The following ZFYVE28 variants were observed in gnomAD, a reference collection of about 807,000 sequenced individuals.
ZFYVE28 encodes zinc finger FYVE-type containing 28, also known as lateral signaling target protein 2 homolog.
Under a neutral mutation model 82.1 loss-of-function variants are expected in ZFYVE28, and 40 were observed. The ratio of observed to expected loss-of-function variants is 0.49; its 90% CI spans 0.38 to 0.63. The LOEUF is 0.63. Among genes scored for constraint, ZFYVE28 ranks in the 30% least tolerant of loss-of-function variants. ZFYVE28 has a pLI of 0.00. For synonymous variants in ZFYVE28, 612 were observed against 546.1 expected, an observed-to-expected ratio of 1.12 and a Z score of -1.68; for missense variants, 1,321 against 1,242.1, an observed-to-expected ratio of 1.06 and a Z score of -0.96.
chr4:2,303,140 A>G (rs553176322), intron 8 of ZFYVE28, among the ~76,000 whole-genome samples: 12 of 152,164 alleles, frequency 7.9e-5, no homozygotes, highest in African/African-American at 2.9e-4. Context: ...CCCGCAGCAC[A>G]GGAAAGAGCT....
intron 6 of ZFYVE28, among the ~76,000 whole-genome samples, chr4:2,329,524 T>C (rs1040419949): frequency 6.6e-6 from 1 of 152,180 alleles, no homozygotes; most frequent in African/African-American, 2.4e-5. Flanking sequence ...CACAAAAGGG[T>C]AAATCCTATA....
In ZFYVE28 at chr4:2,341,491, C is replaced by A; in HGVS notation, c.305G>T (p.Trp102Leu). ...IRHDNLAGQL[W>L]FGAECLAAGS... is the part of the protein sequence containing the mutation. ...GCCACCCGCTACCTCGGCACCGAAC[C>A]ACAGCTGGCCGGCCAGGTTGTCGTG... Residue 102 changes from tryptophan (W) to leucine (L), a missense_variant, in exon 3 of 13, where the codon TGG becomes TTG. By Grantham distance (61) the Trp-to-Leu change is moderately conservative (BLOSUM62 -2). Coordinates refer to ENST00000290974, the MANE Select transcript of ZFYVE28 (RefSeq NM_020972.3). This position sits in a 1 kb window ranked among gnomAD's most constrained non-coding sequence, Gnocchi z 4.5. 6.2e-7 allele frequency: 1 copy of A among 1,613,598 alleles called. No homozygotes were observed. The highest frequency in any genetic ancestry group is 8.5e-7 in the Non-Finnish European group (1 of 1,180,010).
At chr4:2,342,266 G>T (rs1012056465) in intron 2 of ZFYVE28, among the ~76,000 whole-genome samples, 1 of 152,196 alleles carries the variant, frequency 6.6e-6, no homozygotes, top group East Asian at 1.9e-4. Context: ...GCACTGGAAG[G>T]GGGTGCTGCT....
rs529989591 is a variant in ZFYVE28, at chr4:2,376,305, G to C, written c.40-22232C>G. Among the ~76,000 whole-genome samples, 3 of 149,646 alleles carry C rather than the reference G, an allele frequency of 2.0e-5. No homozygotes were observed. The East Asian group carries it at 5.9e-4, about 29-fold the overall frequency. On this transcript the variant is annotated intron_variant, in intron 1 of 12. Transcript: ENST00000290974. The stretch of plus-strand genomic sequence containing the variant: ...TAATCCCAGCACTTTGGGTGGCTGA[G>C]GTGGGAGGATCATTTGAGCCCAGGA...
At chr4:2,275,827 T>C (rs780306113) in intron 8 of ZFYVE28, among the ~76,000 whole-genome samples, 10 of 152,254 alleles carry the variant, frequency 6.6e-5, no homozygotes, top group Non-Finnish European at 1.0e-4. Context: ...TGCGTCTGTC[T>C]GCAGAGATGC....
chr4:2,282,560 T>C (rs901203233), intron 8 of ZFYVE28, among the ~76,000 whole-genome samples: 1 of 152,234 alleles, frequency 6.6e-6, no homozygotes, highest in Non-Finnish European at 1.5e-5. Flanking sequence ...ACTGAACTTA[T>C]AATTTTAATT....
At chr4:2,360,122 C>T (rs73070630) in intron 1 of ZFYVE28, among the ~76,000 whole-genome samples, 11 of 152,012 alleles carry the variant, frequency 7.2e-5, no homozygotes, top group Non-Finnish European at 1.0e-4. Context: ...TAATTGCCTG[C>T]GCGTGGGAAA....
At chr4:2,359,832 C>G (rs1450645837) in intron 1 of ZFYVE28, among the ~76,000 whole-genome samples, 1 of 152,162 alleles carries the variant, frequency 6.6e-6, no homozygotes, top group African/African-American at 2.4e-5. Flanking sequence ...ACTTAGCAAA[C>G]CCTGCCAGGT....
intron 2 of ZFYVE28, among the ~76,000 whole-genome samples, chr4:2,349,623 G>A (rs11731588): frequency 0.13 from 19,127 of 152,172 alleles, 1,447 homozygotes; most frequent in East Asian, 0.21. Context: ...GGGATGTACT[G>A]GTGAGTGTTG....
intron 1 of ZFYVE28, among the ~76,000 whole-genome samples, chr4:2,397,468 T>A (rs1368742185): frequency 8.8e-6 from 1 of 113,602 alleles, no homozygotes; most frequent in East Asian, 2.6e-4. Flanking sequence ...CCAGACTCGG[T>A]CTCAAAAAAA....
At chr4:2,303,361 C>T (rs1490776506) in intron 8 of ZFYVE28, among the ~76,000 whole-genome samples, 1 of 152,182 alleles carries the variant, frequency 6.6e-6, no homozygotes, top group African/African-American at 2.4e-5. Flanking sequence ...CGCAGCCCCT[C>T]ACTCCTGCAT....
intron 1 of ZFYVE28, among the ~76,000 whole-genome samples, chr4:2,360,967 T>A (rs1008523036): frequency 6.6e-6 from 1 of 152,202 alleles, no homozygotes; most frequent in Non-Finnish European, 1.5e-5. Flanking sequence ...AGTTTTTAAA[T>A]GTCCTTAAAT....
At chr4:2,351,540 C>T (rs892306492) in intron 2 of ZFYVE28, among the ~76,000 whole-genome samples, 3 of 152,140 alleles carry the variant, frequency 2.0e-5, no homozygotes, top group South Asian at 4.1e-4. Context: ...ATGGTGAAAC[C>T]CCGTCTCTAC....
At chr4:2,305,905 C>T (rs17132431) in intron 7 of ZFYVE28, among the ~76,000 whole-genome samples, 1 of 152,356 alleles carries the variant, frequency 6.6e-6, no homozygotes, top group Non-Finnish European at 1.5e-5. Flanking sequence ...AAACCTTCAT[C>T]CTTTCATTCC....
intron 1 of ZFYVE28, among the ~76,000 whole-genome samples, chr4:2,415,375 G>C (rs554240511): frequency 2.0e-5 from 3 of 151,880 alleles, no homozygotes; most frequent in Non-Finnish European, 2.9e-5. Context: ...CCAGTGCTTC[G>C]GGAGGCTGAG....
rs772002071 is a variant in ZFYVE28, at chr4:2,305,359, C to T, written c.981G>A (p.Pro327=). The T allele has an allele frequency of 2.0e-5, 32 of 1,612,622 alleles. No homozygotes were observed. Among genetic ancestry groups the T allele is most frequent in the East Asian group, 1.1e-4 (5 of 44,882 alleles). ...EGPLSAKAKD[P]DAELACSMQY... ...GCATGGAGCAGGCCAGCTCTGCATCCGGGTCTTTGGCCTTAGCTGAGAGTG... is the reference window on the plus strand; with the variant it reads ...GCATGGAGCAGGCCAGCTCTGCATCTGGGTCTTTGGCCTTAGCTGAGAGTG... Residue 327 remains proline, a synonymous_variant, in exon 8 of 13, where the codon CCG becomes CCA. Coordinates refer to ENST00000290974, the MANE Select transcript of ZFYVE28 (RefSeq NM_020972.3).
chr4:2,368,475 T>G (rs1019579361), intron 1 of ZFYVE28, among the ~76,000 whole-genome samples: 1 of 151,446 alleles, frequency 6.6e-6, no homozygotes, highest in East Asian at 2.0e-4. Flanking sequence ...TTCCAGAACA[T>G]TTTCATCACC....
Position 2,273,629 on chromosome 4 carries a change from C to A in ZFYVE28, c.2207-340G>T, listed in dbSNP as rs532593600. Reference sequence around the variant, plus strand: ...CTGAGGGACACTTACAGAGCCCCTGCACTGTGCCCACCCCCAGGCCAGTGC... The same window carrying A: ...CTGAGGGACACTTACAGAGCCCCTGAACTGTGCCCACCCCCAGGCCAGTGC... On this transcript the variant is annotated intron_variant, in intron 9 of 12. Coordinates refer to ENST00000290974, the MANE Select transcript of ZFYVE28 (RefSeq NM_020972.3). Among the ~76,000 whole-genome samples, 7 of 152,306 alleles carry A rather than the reference C, an allele frequency of 4.6e-5. No homozygotes were observed. The South Asian group carries it at 1.2e-3, about 27-fold the overall frequency.
At chr4:2,398,176 A>G (rs1484027418) in intron 1 of ZFYVE28, among the ~76,000 whole-genome samples, 1 of 152,120 alleles carries the variant, frequency 6.6e-6, no homozygotes, top group Non-Finnish European at 1.5e-5. Context: ...GTGCCAGTGG[A>G]TGGCCTGGCT....
Sources: allele counts gnomAD v4.1 joint callset (sites outside exome capture counted in the v4.1 genomes callset), GRCh38; gene constraint gnomAD v4.1.1; non-coding constraint Gnocchi (gnomAD v3.1); transcripts MANE v1.5; gene names NCBI Gene and HGNC (gene_info 2026-07-23, HGNC 2026-07-21).